The following CDK5RAP2 variants were observed in gnomAD, a reference collection of about 807,000 sequenced individuals.
The protein encoded by CDK5RAP2 is CDK5 regulatory subunit-associated protein 2.
Under a neutral mutation model 232.9 loss-of-function variants are expected in CDK5RAP2, and 147 were observed. The ratio of observed to expected loss-of-function variants is 0.63; its 90% CI spans 0.55 to 0.72. CDK5RAP2 has a LOEUF of 0.72. Ranked by LOEUF, CDK5RAP2 falls within the 30% of genes least tolerant of loss-of-function variation. CDK5RAP2 has a pLI of 0.00. For missense variants in CDK5RAP2, 2,195 were observed against 2,231.5 expected (o/e 0.98, Z 0.33); for synonymous variants, 833 against 833.7 (o/e 1.00, Z 0.01).
chr9:120,571,899 G>T, intron 2 of CDK5RAP2, 75 bp downstream of exon 2: 1 of 1,195,724 alleles, frequency 8.4e-7, no homozygotes, highest in Non-Finnish European at 1.2e-6. Context: ...AGATATGAAA[G>T]CTCAAGATGC....
chr9:120,441,247 G>C (rs1380822983), intron 23 of CDK5RAP2, among the ~76,000 whole-genome samples: 2 of 152,172 alleles, frequency 1.3e-5, no homozygotes, highest in African/African-American at 4.8e-5. Flanking sequence ...GAATGTAGTA[G>C]AAAAACCTGT....
In CDK5RAP2 at chr9:120,545,698, G is replaced by A. The variant is rs757280762; in HGVS notation, c.383+16C>T. On this transcript the variant is annotated intron_variant, in intron 5 of 37. Transcript: ENST00000349780. The stretch of plus-strand genomic sequence containing the variant: ...TGTGGGCGACTTGCAAGCTTTCAAC[G>A]GATGATGGTACTCACGAGGCTTTGA... 3.0e-5 allele frequency: 48 copies of A among 1,605,094 alleles called. No individual in the cohort carries two copies. In the Middle Eastern group the frequency reaches 4.9e-4, roughly 17 times the overall value.
At chr9:120,519,963 TGA>T (rs941389164) in intron 11 of CDK5RAP2, among the ~76,000 whole-genome samples, 1 of 151,532 alleles carries the variant, frequency 6.6e-6, no homozygotes, top group African/African-American at 2.4e-5. Context: ...ATGGCCAGCC[TGA>T]GAGACTGTAA....
chr9:120,519,919 G>GA lies in CDK5RAP2; in HGVS notation c.1093-1275dup, dbSNP rs762832927. ...TGGCTCAAACCCAGATTCATTTGGAGAAAAAAAAAAAAGGTGGTCAGCATG... is the reference window on the plus strand; with the variant it reads ...TGGCTCAAACCCAGATTCATTTGGAGAAAAAAAAAAAAAGGTGGTCAGCATG... On this transcript the variant is annotated intron_variant, in intron 11 of 37. Transcript: ENST00000349780. Among the ~76,000 whole-genome samples, 1,125 of 140,976 alleles carry GA rather than the reference G, an allele frequency of 8.0e-3. 8 individuals carry two copies. The highest frequency in any genetic ancestry group is 0.025 in the African/African-American group (979 of 38,784). 92.5% of individuals were successfully genotyped at this position (140,976 alleles called of 152,430 possible). A position where few individuals can be genotyped will look rare whatever the true frequency, so the allele number is the denominator to read the frequency against.
At chr9:120,429,445 A>G (rs1206721776) in intron 25 of CDK5RAP2, among the ~76,000 whole-genome samples, 5 of 152,192 alleles carry the variant, frequency 3.3e-5, no homozygotes, top group African/African-American at 1.2e-4. Context: ...AAAAATCACA[A>G]GCATTCTTAT....
intron 12 of CDK5RAP2, among the ~76,000 whole-genome samples, chr9:120,518,210 T>TGACA (rs1392875462): frequency 4.1e-4 from 18 of 43,930 alleles, no homozygotes; most frequent in Non-Finnish European, 7.9e-4. Context: ...TGTGTGTGTG[T>TGACA]GAGAGAGAGA....
intron 11 of CDK5RAP2, among the ~76,000 whole-genome samples, chr9:120,521,732 G>A (rs541459856): frequency 6.3e-5 from 9 of 142,050 alleles, no homozygotes; most frequent in South Asian, 4.5e-4. Context: ...TGCAAGCTCC[G>A]CCTCCCGGGT....
chr9:120,440,113 C>A (rs2035813511), intron 23 of CDK5RAP2, 141 bp from the exon 24 acceptor site: 1 of 717,884 alleles, frequency 1.4e-6, no homozygotes. Context: ...TTTCCTAACA[C>A]ACTTCCCTCA....
intron 3 of CDK5RAP2, among the ~76,000 whole-genome samples, chr9:120,565,342 A>G (rs193206819): frequency 3.8e-4 from 58 of 152,260 alleles, no homozygotes; most frequent in Admixed American, 9.8e-4. Context: ...ACACCACAGC[A>G]GCCTTTTAAC....
chr9:120,531,478 C>G (rs1032351958), intron 7 of CDK5RAP2, among the ~76,000 whole-genome samples: 3 of 152,192 alleles, frequency 2.0e-5, no homozygotes, highest in African/African-American at 7.2e-5. Flanking sequence ...GTAATTCCAT[C>G]TCTCTGAGCC....
chr9:120,435,968 C>G (rs911652538), intron 25 of CDK5RAP2, among the ~76,000 whole-genome samples: 4 of 152,094 alleles, frequency 2.6e-5, no homozygotes, highest in African/African-American at 9.7e-5. Context: ...AGACAAGAAT[C>G]ATCAATATAT....
intron 12 of CDK5RAP2, among the ~76,000 whole-genome samples, chr9:120,508,576 G>A (rs918931333): frequency 6.6e-6 from 1 of 152,152 alleles, no homozygotes; most frequent in Non-Finnish European, 1.5e-5. Flanking sequence ...TTCACCAGTT[G>A]CCCCCTTCTC....
At chr9:120,407,711 TA>T (rs57709885) in intron 31 of CDK5RAP2, 11,920 of 142,214 alleles carry the variant, frequency 0.084, 865 homozygotes, top group African/African-American at 0.21. Context: ...ATTAGTAAAA[TA>T]AAAAAAAAAA....
intron 25 of CDK5RAP2, 24 bp from the exon 26 acceptor site, chr9:120,422,765 A>G: frequency 2.5e-6 from 4 of 1,595,370 alleles, no homozygotes; most frequent in African/African-American, 1.3e-5. Context: ...TAACATCAAG[A>G]AAGGAGGAGA....
chr9:120,418,270 A>G (rs1192768373), intron 27 of CDK5RAP2, among the ~76,000 whole-genome samples: 2 of 152,204 alleles, frequency 1.3e-5, no homozygotes, highest in Non-Finnish European at 2.9e-5. Flanking sequence ...GGAGCAAGAA[A>G]TAGAAGAAAT....
At position 120,415,025 on chromosome 9, in the gene CDK5RAP2, A is replaced by G; in HGVS notation, c.4297+15T>C. 6.2e-7 allele frequency: 1 copy of G among 1,613,988 alleles called. No homozygotes were observed. The highest frequency in any genetic ancestry group is 1.3e-5 in the African/African-American group (1 of 75,054). On this transcript the variant is annotated intron_variant, in intron 28 of 37. Coordinates refer to ENST00000349780, the MANE Select transcript of CDK5RAP2 (RefSeq NM_018249.6). ...TCACAGACATGTACAGTCCTCCAGG[A>G]AGGTCTTTCCTTACCTTGAACAAAT...
chr9:120,473,599 T>C (rs1039902935), intron 15 of CDK5RAP2, among the ~76,000 whole-genome samples: 3 of 152,224 alleles, frequency 2.0e-5, no homozygotes, highest in African/African-American at 7.2e-5. Flanking sequence ...GACAGTTCAT[T>C]GTGAAGCAGT....
chr9:120,541,107 T>C (rs1377890173), intron 5 of CDK5RAP2, among the ~76,000 whole-genome samples: 1 of 152,224 alleles, frequency 6.6e-6, no homozygotes, highest in Non-Finnish European at 1.5e-5. Flanking sequence ...GAGCCTTGGC[T>C]ACAGGATTTC....
intron 2 of CDK5RAP2, chr9:120,571,738 G>A: frequency 1.9e-6 from 1 of 529,330 alleles, no homozygotes; most frequent in South Asian, 1.9e-5. Context: ...TATAGCTTTA[G>A]TAGCAACAAA....
Sources: allele counts gnomAD v4.1 joint callset (sites outside exome capture counted in the v4.1 genomes callset), GRCh38; gene constraint gnomAD v4.1.1; transcripts MANE v1.5; gene names NCBI Gene and HGNC (gene_info 2026-07-23, HGNC 2026-07-21).